Variants in PCDH15 observed in about 807,000 individuals in gnomAD.
PCDH15 encodes protocadherin related 15.
A neutral mutation model predicts 178.5 loss-of-function variants in PCDH15; 129 were observed. The observed-to-expected ratio is 0.72, with a 90% CI of 0.63 to 0.84. The LOEUF (loss-of-function observed/expected upper bound fraction) is 0.84, where lower values mean the gene tolerates loss of function less well. PCDH15 is among the 40% of genes least tolerant of loss of function. PCDH15 has a pLI of 0.00. For synonymous variants in PCDH15, 800 were observed against 732.0 expected (o/e 1.09, Z -1.50); for missense variants, 2,230 against 2,099.9 (o/e 1.06, Z -1.21).
chr10:54,174,088 T>C (rs1372922784), intron 13 of PCDH15, among the ~76,000 whole-genome samples: 3 of 152,046 alleles, frequency 2.0e-5, no homozygotes, highest in Admixed American at 2.0e-4. Flanking sequence ...TAGAAAACCA[T>C]TGAAGGGGTC....
chr10:55,534,885 A>G (rs1449484702), intron 2 of PCDH15, among the ~76,000 whole-genome samples: 1 of 152,152 alleles, frequency 6.6e-6, no homozygotes, highest in African/African-American at 2.4e-5. Flanking sequence ...ACACAGCCAT[A>G]AAAAATAATA....
At chr10:55,437,316 A>G (rs1306626363) in intron 2 of PCDH15, among the ~76,000 whole-genome samples, 2 of 152,188 alleles carry the variant, frequency 1.3e-5, no homozygotes, top group Non-Finnish European at 2.9e-5. Flanking sequence ...TAAAGTGGAT[A>G]AGCTCTGAAA....
At chr10:55,147,400 A>G (rs1286208468) in intron 2 of PCDH15, among the ~76,000 whole-genome samples, 1 of 151,654 alleles carries the variant, frequency 6.6e-6, no homozygotes, top group Non-Finnish European at 1.5e-5. Flanking sequence ...TTCATCAAAT[A>G]TACAATGTTA....
intron 5 of PCDH15, among the ~76,000 whole-genome samples, chr10:54,361,763 G>A (rs986147366): frequency 4.6e-5 from 7 of 151,778 alleles, no homozygotes; most frequent in Non-Finnish European, 7.4e-5. Context: ...TCATATTAAT[G>A]GTCTTACACT....
chr10:54,126,903 A>G (rs145782982), intron 15 of PCDH15, among the ~76,000 whole-genome samples: 4 of 152,254 alleles, frequency 2.6e-5, no homozygotes, highest in African/African-American at 7.2e-5. Flanking sequence ...TTTAAAATAC[A>G]AAAAATATTC....
intron 3 of PCDH15, among the ~76,000 whole-genome samples, chr10:54,457,188 G>A (rs2076880315): frequency 6.6e-6 from 1 of 152,010 alleles, no homozygotes; most frequent in Non-Finnish European, 1.5e-5. Flanking sequence ...TTTGTATATG[G>A]TACAAAAGTA....
chr10:54,598,309 GT>G (rs1473314322), intron 2 of PCDH15, among the ~76,000 whole-genome samples: 1 of 152,004 alleles, frequency 6.6e-6, no homozygotes, highest in African/African-American at 2.4e-5. Context: ...GGGATGCAAG[GT>G]TTGTTCAATA....
At chr10:54,170,293 C>T (rs1333373475) in intron 13 of PCDH15, among the ~76,000 whole-genome samples, 1 of 152,076 alleles carries the variant, frequency 6.6e-6, no homozygotes, top group Non-Finnish European at 1.5e-5. Context: ...CTTTCCTAGG[C>T]ATGGTTAGTG....
intron 3 of PCDH15, among the ~76,000 whole-genome samples, chr10:54,508,776 C>A (rs539594135): frequency 6.6e-6 from 1 of 152,136 alleles, no homozygotes; most frequent in African/African-American, 2.4e-5. Context: ...TCTCCTTCTT[C>A]TGATGAGGTT....
chr10:54,169,898 C>T (rs570446977), intron 13 of PCDH15, among the ~76,000 whole-genome samples: 5 of 151,148 alleles, frequency 3.3e-5, no homozygotes, highest in East Asian at 1.9e-4. Flanking sequence ...AGAATCTGCG[C>T]CTTATCAACC....
At chr10:55,395,076 A>C (rs1837887409) in intron 2 of PCDH15, among the ~76,000 whole-genome samples, 1 of 152,056 alleles carries the variant, frequency 6.6e-6, no homozygotes, top group South Asian at 2.1e-4. Flanking sequence ...AATTGAAAAA[A>C]ATGATTATCA....
intron 2 of PCDH15, among the ~76,000 whole-genome samples, chr10:55,119,506 A>G (rs1837712551): frequency 6.6e-6 from 1 of 151,688 alleles, no homozygotes; most frequent in Non-Finnish European, 1.5e-5. Flanking sequence ...ACAAAAAAAA[A>G]AGGTAAGCAA....
chr10:54,108,017 G>C (rs530882924), intron 15 of PCDH15, among the ~76,000 whole-genome samples: 1 of 152,004 alleles, frequency 6.6e-6, no homozygotes, highest in African/African-American at 2.4e-5. Context: ...TGTTGAGTTA[G>C]GGAATAATGA....
chr10:54,171,863 A>AC (rs1056577651), intron 13 of PCDH15, among the ~76,000 whole-genome samples: 5 of 150,630 alleles, frequency 3.3e-5, no homozygotes, highest in Admixed American at 2.0e-4. Flanking sequence ...CCACAATATC[A>AC]CCCCTTACCA....
At chr10:55,424,676 G>T (rs537219778) in intron 2 of PCDH15, among the ~76,000 whole-genome samples, 138 of 152,190 alleles carry the variant, frequency 9.1e-4, no homozygotes, top group Non-Finnish European at 1.6e-3. Context: ...GTTGGGAACT[G>T]CTTTGGTGTA....
chr10:55,284,050 T>C (rs1422956302), intron 1 of PCDH15, among the ~76,000 whole-genome samples: 1 of 152,186 alleles, frequency 6.6e-6, no homozygotes, highest in Non-Finnish European at 1.5e-5. Context: ...AGTTCTCTTG[T>C]GAAACCCAGA....
intron 2 of PCDH15, among the ~76,000 whole-genome samples, chr10:55,329,742 T>C (rs1050777277): frequency 2.0e-5 from 3 of 151,746 alleles, no homozygotes; most frequent in Non-Finnish European, 4.4e-5. Context: ...CAACCAATAA[T>C]ATAGGTTCTA....
intron 3 of PCDH15, among the ~76,000 whole-genome samples, chr10:54,869,956 A>G (rs1002571674): frequency 2.0e-5 from 3 of 152,196 alleles, no homozygotes; most frequent in Non-Finnish European, 4.4e-5. Context: ...TGGAACTGAC[A>G]TAAAATATCA....
At chr10:55,349,899 T>C (rs1356010166) in intron 2 of PCDH15, among the ~76,000 whole-genome samples, 1 of 151,906 alleles carries the variant, frequency 6.6e-6, no homozygotes, top group Non-Finnish European at 1.5e-5. Context: ...GGAGGGAGAT[T>C]CCAATAACTA....
Sources: allele counts gnomAD v4.1 joint callset (sites outside exome capture counted in the v4.1 genomes callset), GRCh38; gene constraint gnomAD v4.1.1; transcripts MANE v1.5; gene names NCBI Gene and HGNC (gene_info 2026-07-23, HGNC 2026-07-21).